CCDC3: variants seen among roughly 807,000 people sequenced by gnomAD.
CCDC3 encodes the protein coiled-coil domain containing 3.
CCDC3 carries 24 observed loss-of-function variants against 21.4 expected under a neutral mutation model. The ratio of observed to expected loss-of-function variants is 1.12; its 90% CI spans 0.81 to 1.58. The LOEUF is 1.58. Ranked by LOEUF, CCDC3 falls within the 40% of genes most tolerant of loss-of-function variation. The pLI, the probability that CCDC3 is intolerant of heterozygous loss-of-function variation, is 0.00. For synonymous variants in CCDC3, 186 were observed against 166.0 expected, an observed-to-expected ratio of 1.12 and a Z score of -0.93; for missense variants, 425 against 360.9, an observed-to-expected ratio of 1.18 and a Z score of -1.44.
intron 2 of CCDC3, among the ~76,000 whole-genome samples, chr10:12,925,778 A>G (rs908330232): frequency 6.6e-6 from 1 of 152,206 alleles, no homozygotes; most frequent in Non-Finnish European, 1.5e-5. Flanking sequence ...CATTTTCCCC[A>G]AAACATCTAA....
intron 3 of CCDC3, among the ~76,000 whole-genome samples, chr10:13,076,159 G>T (rs1045371104): frequency 6.6e-6 from 1 of 152,202 alleles, no homozygotes; most frequent in Admixed American, 6.5e-5. Context: ...CTCAGTATGG[G>T]CAGAAGAGTC....
At chr10:12,976,134 C>G (rs1340453374) in intron 2 of CCDC3, among the ~76,000 whole-genome samples, 4 of 152,240 alleles carry the variant, frequency 2.6e-5, no homozygotes, top group Admixed American at 6.5e-5. Context: ...GACACAACCT[C>G]TGTGTGTCTC....
intron 2 of CCDC3, among the ~76,000 whole-genome samples, chr10:12,981,119 T>C (rs982432274): frequency 2.0e-5 from 3 of 151,790 alleles, no homozygotes; most frequent in Admixed American, 6.6e-5. Flanking sequence ...GCCAGCCTCC[T>C]GCTTCAGCCT....
chr10:13,004,052 G>T (rs1835897054), upstream of CCDC3, among the ~76,000 whole-genome samples: 3 of 152,174 alleles, frequency 2.0e-5, no homozygotes, highest in African/African-American at 7.2e-5. Context: ...CAGAGCTCAA[G>T]GTAGCCAGGA....
At chr10:12,994,809 G>T (rs776372363) in intron 2 of CCDC3, among the ~76,000 whole-genome samples, 1 of 151,952 alleles carries the variant, frequency 6.6e-6, no homozygotes, top group African/African-American at 2.4e-5. Context: ...GGCCAGGCAC[G>T]GTGGCTCACG....
At chr10:12,992,532 T>C (rs1009135206) in intron 2 of CCDC3, among the ~76,000 whole-genome samples, 3 of 152,224 alleles carry the variant, frequency 2.0e-5, no homozygotes, top group African/African-American at 4.8e-5. Context: ...GAGACCACTA[T>C]TCTAAATGAA....
At chr10:12,986,128 C>T (rs957584757) in intron 2 of CCDC3, among the ~76,000 whole-genome samples, 1 of 152,184 alleles carries the variant, frequency 6.6e-6, no homozygotes, top group Admixed American at 6.5e-5. Flanking sequence ...ACATAAATGA[C>T]TGCCTGTGTA....
rs971341352 is a variant in CCDC3 at position 12,960,390 on chromosome 10, G to A, written c.549+37948C>T. On this transcript the variant is annotated intron_variant, in intron 2 of 2. Transcript: ENST00000378825. Reference sequence around the variant, plus strand: ...AGCCAGGACAGAGAAAGACGGAGGCGGGAGAGAGACAGTCTGAGTCCTGGT... The same window carrying A: ...AGCCAGGACAGAGAAAGACGGAGGCAGGAGAGAGACAGTCTGAGTCCTGGT... Among the ~76,000 whole-genome samples, 17 of 152,256 alleles carry A rather than the reference G, an allele frequency of 1.1e-4. 1 individual carries two copies. The highest frequency in any genetic ancestry group is 2.4e-4 in the African/African-American group (10 of 41,558).
At chr10:12,929,452 G>A (rs770074352) in intron 2 of CCDC3, among the ~76,000 whole-genome samples, 3 of 152,130 alleles carry the variant, frequency 2.0e-5, no homozygotes, top group South Asian at 2.1e-4. Context: ...AGCACTTAGC[G>A]AGATGGCTAC....
intron 5 of CCDC3, among the ~76,000 whole-genome samples, chr10:13,041,312 G>T (rs1018185394): frequency 6.6e-6 from 1 of 151,806 alleles, no homozygotes; most frequent in Admixed American, 6.6e-5. Flanking sequence ...TTTGACATCC[G>T]ACCAATTCTT....
intron 5 of CCDC3, among the ~76,000 whole-genome samples, chr10:13,020,662 A>G (rs892628545): frequency 6.6e-6 from 1 of 152,174 alleles, no homozygotes; most frequent in Non-Finnish European, 1.5e-5. Context: ...AAAGTCAACC[A>G]TCCTTTTGAT....
At chr10:13,036,587 C>A (rs1322588544) in intron 5 of CCDC3, among the ~76,000 whole-genome samples, 1 of 152,170 alleles carries the variant, frequency 6.6e-6, no homozygotes, top group African/African-American at 2.4e-5. Context: ...TGGGTTCAAG[C>A]AATTCTCCTG....
chr10:12,996,551 GT>G (rs2131284268), intron 2 of CCDC3, among the ~76,000 whole-genome samples: 1 of 152,314 alleles, frequency 6.6e-6, no homozygotes, highest in Non-Finnish European at 1.5e-5. Flanking sequence ...GGCCAGGCTG[GT>G]CTTGAACTCC....
rs12256559 is a variant in CCDC3 at position 12,986,466 on chromosome 10, G to T, written c.549+11872C>A. The stretch of plus-strand genomic sequence containing the variant: ...ATCTAAGATTATTCCAAAATAAAAT[G>T]AATTTTTTAAAAAAGTAATCCCTGT... On this transcript the variant is annotated intron_variant, in intron 2 of 2. Transcript: ENST00000378825. Among the ~76,000 whole-genome samples the T allele has an allele frequency of 8.3e-3, 1,269 of 152,182 alleles. 17 individuals are homozygous for T. The highest frequency in any genetic ancestry group is 0.029 in the African/African-American group (1,210 of 41,532).
intron 2 of CCDC3, among the ~76,000 whole-genome samples, chr10:12,967,947 G>A (rs2131262201): frequency 6.6e-6 from 1 of 152,256 alleles, no homozygotes; most frequent in East Asian, 1.9e-4. Context: ...GAGGCGGGCA[G>A]ATCACAAGGT....
At chr10:13,051,966 G>T (rs2131425682) in intron 4 of CCDC3, among the ~76,000 whole-genome samples, 1 of 152,260 alleles carries the variant, frequency 6.6e-6, no homozygotes, top group African/African-American at 2.4e-5. Flanking sequence ...CCTCTCCTGG[G>T]TTCCTTCTGC....
At chr10:13,090,031 T>TTAGATAGATAGATAGATAGATAGA (rs1314262953) in intron 3 of CCDC3, among the ~76,000 whole-genome samples, 96 of 7,828 alleles carry the variant, frequency 0.012, 1 homozygote, top group African/African-American at 0.015. Flanking sequence ...TAGTATTCCG[T>TTAGATAGATAGATAGATAGATAGA]TAGATATATA....
upstream of CCDC3, among the ~76,000 whole-genome samples, chr10:13,003,701 G>T (rs529418290): frequency 6.6e-6 from 1 of 152,252 alleles, no homozygotes; most frequent in South Asian, 2.1e-4. Flanking sequence ...TGTCTTGAAG[G>T]CCTGGAAAAG....
intron 5 of CCDC3, among the ~76,000 whole-genome samples, chr10:13,039,654 T>C (rs758092557): frequency 2.0e-5 from 3 of 152,108 alleles, no homozygotes; most frequent in Non-Finnish European, 4.4e-5. Flanking sequence ...GGGACAGAGA[T>C]TAAAGTTGGG....
Sources: allele counts gnomAD v4.1 joint callset (sites outside exome capture counted in the v4.1 genomes callset), GRCh38; gene constraint gnomAD v4.1.1; transcripts MANE v1.5; gene names NCBI Gene and HGNC (gene_info 2026-07-23, HGNC 2026-07-21).